ERG: variants seen among roughly 807,000 people sequenced by gnomAD.
ERG encodes transcriptional regulator ERG.
A neutral mutation model predicts 55.3 loss-of-function variants in ERG; 9 were observed. The ratio of observed to expected loss-of-function variants is 0.16; its 90% CI spans 0.10 to 0.28. The LOEUF is 0.28. ERG is among the 10% of genes least tolerant of loss of function. ERG has a pLI of 1.00. For missense variants in ERG, 434 were observed against 631.6 expected (o/e 0.69, Z 3.35); for synonymous variants, 223 against 237.3 (o/e 0.94, Z 0.55).
At chr21:38,468,555 T>C (rs1252278368) in intron 1 of ERG, among the ~76,000 whole-genome samples, 2 of 152,114 alleles carry the variant, frequency 1.3e-5, no homozygotes, top group Non-Finnish European at 2.9e-5. Context: ...CTAAAACCCA[T>C]GTGACAGCAG....
chr21:38,593,917 A>C (rs1568937465), intron 1 of ERG, among the ~76,000 whole-genome samples: 1 of 152,202 alleles, frequency 6.6e-6, no homozygotes, highest in Non-Finnish European at 1.5e-5. Context: ...AGAGGTGAGA[A>C]CCTTTCCTAA....
At chr21:38,528,252 A>T (rs566324783) in intron 2 of ERG, among the ~76,000 whole-genome samples, 1 of 152,234 alleles carries the variant, frequency 6.6e-6, no homozygotes, top group African/African-American at 2.4e-5. Flanking sequence ...CCTATTTCCA[A>T]ATAAGGTCAC....
chr21:38,514,110 G>A (rs1454202900), intron 2 of ERG, among the ~76,000 whole-genome samples: 1 of 151,102 alleles, frequency 6.6e-6, no homozygotes, highest in South Asian at 2.1e-4. Context: ...AATTATTAAA[G>A]ACATTGATTG....
intron 3 of ERG, among the ~76,000 whole-genome samples, chr21:38,410,873 G>A (rs1000924793): frequency 2.0e-5 from 3 of 152,000 alleles, no homozygotes; most frequent in South Asian, 2.1e-4. Flanking sequence ...TAATATCAAC[G>A]TAAAATATTG....
chr21:38,533,151 C>T (rs1315014203), intron 2 of ERG, among the ~76,000 whole-genome samples: 1 of 152,190 alleles, frequency 6.6e-6, no homozygotes, highest in East Asian at 1.9e-4. Context: ...AATGAGGTCA[C>T]AGGTAAATGA....
chr21:38,624,751 T>C (rs756604696), intron 1 of ERG, among the ~76,000 whole-genome samples: 4 of 152,200 alleles, frequency 2.6e-5, no homozygotes, highest in Admixed American at 6.5e-5. Context: ...TTGAGGCAAA[T>C]GTGGTAGGGA....
At chr21:38,634,901 A>T (rs1478758911) in intron 1 of ERG, among the ~76,000 whole-genome samples, 2 of 152,228 alleles carry the variant, frequency 1.3e-5, no homozygotes, top group Admixed American at 1.3e-4. Flanking sequence ...GAAGCAACCA[A>T]GGTTCCTTAT....
At chr21:38,396,405 C>G (rs964686621) in intron 6 of ERG, among the ~76,000 whole-genome samples, 2 of 152,206 alleles carry the variant, frequency 1.3e-5, no homozygotes, top group African/African-American at 4.8e-5. Context: ...CTGAGAGATG[C>G]TATGCAGTAG....
chr21:38,377,909 C>A (rs111425160), downstream of ERG, among the ~76,000 whole-genome samples: 10 of 152,148 alleles, frequency 6.6e-5, no homozygotes, highest in Non-Finnish European at 1.5e-4. Context: ...GGGTGGTCTT[C>A]CTCATAAGTG....
At chr21:38,535,210 A>G (rs1276534441) in intron 2 of ERG, among the ~76,000 whole-genome samples, 1 of 152,128 alleles carries the variant, frequency 6.6e-6, no homozygotes, top group Non-Finnish European at 1.5e-5. Context: ...GATTCTACTT[A>G]TGTGAGGTAC....
intron 1 of ERG, among the ~76,000 whole-genome samples, chr21:38,647,578 A>G (rs1261106948): frequency 6.6e-6 from 1 of 152,252 alleles, no homozygotes; most frequent in African/African-American, 2.4e-5. Flanking sequence ...TTGATCATGA[A>G]AACAGGAGGT....
intron 2 of ERG, among the ~76,000 whole-genome samples, chr21:38,519,135 G>C (rs1451658923): frequency 6.6e-6 from 1 of 152,198 alleles, no homozygotes; most frequent in Non-Finnish European, 1.5e-5. Flanking sequence ...AACAATGTTG[G>C]TGAAGATGTG....
chr21:38,630,295 TTAA>T (rs2060349347), intron 1 of ERG, among the ~76,000 whole-genome samples: 1 of 152,180 alleles, frequency 6.6e-6, no homozygotes, highest in Non-Finnish European at 1.5e-5. Flanking sequence ...AGATTTCTTG[TTAA>T]TAATGGTGGC....
At chr21:38,407,634 G>A (rs1156788176) in intron 3 of ERG, among the ~76,000 whole-genome samples, 7 of 3,294 alleles carry the variant, frequency 2.1e-3, no homozygotes, top group African/African-American at 2.8e-3. Flanking sequence ...CTTACAAAAG[G>A]TATATATATA....
chr21:38,466,139 TA>T (rs1226048819), intron 1 of ERG, among the ~76,000 whole-genome samples: 1 of 152,212 alleles, frequency 6.6e-6, no homozygotes, highest in Non-Finnish European at 1.5e-5. Context: ...TTTAATGTTA[TA>T]TTGAAATAAT....
intron 1 of ERG, among the ~76,000 whole-genome samples, chr21:38,651,738 C>T (rs995325017): frequency 6.6e-6 from 1 of 152,074 alleles, no homozygotes; most frequent in African/African-American, 2.4e-5. Flanking sequence ...CACTCGCTCC[C>T]TTCCGGTCAC....
chr21:38,496,108 C>T (rs1442471776), intron 1 of ERG, among the ~76,000 whole-genome samples: 1 of 152,138 alleles, frequency 6.6e-6, no homozygotes, highest in Non-Finnish European at 1.5e-5. Flanking sequence ...TTTCAAGTTA[C>T]CAAGGGAAAA....
At chr21:38,558,735 C>A (rs995025596) in intron 2 of ERG, among the ~76,000 whole-genome samples, 1 of 152,076 alleles carries the variant, frequency 6.6e-6, no homozygotes, top group South Asian at 2.1e-4. Flanking sequence ...ACTTAACACA[C>A]GGAGGTGACA....
intron 3 of ERG, among the ~76,000 whole-genome samples, chr21:38,414,412 C>G (rs184822246): frequency 7.2e-5 from 11 of 152,288 alleles, no homozygotes; most frequent in African/African-American, 2.2e-4. Context: ...GTGAGGGAGG[C>G]ACAATTTTTT....
Sources: allele counts gnomAD v4.1 joint callset (sites outside exome capture counted in the v4.1 genomes callset), GRCh38; gene constraint gnomAD v4.1.1; transcripts MANE v1.5; gene names NCBI Gene and HGNC (gene_info 2026-07-23, HGNC 2026-07-21).